Variants in CNOT6L observed in about 807,000 individuals in gnomAD.
CNOT6L encodes the protein CCR4-NOT transcription complex subunit 6-like.
A neutral mutation model predicts 64.0 loss-of-function variants in CNOT6L; 7 were observed. The ratio of observed to expected loss-of-function variants is 0.11; its 90% CI spans 0.06 to 0.21. CNOT6L has a LOEUF of 0.21. Ranked by LOEUF, CNOT6L falls within the 10% of genes least tolerant of loss-of-function variation. The pLI is 1.00. For synonymous variants in CNOT6L, 193 were observed against 243.4 expected (o/e 0.79, Z 1.93); for missense variants, 245 against 669.0 (o/e 0.37, Z 6.99).
chr4:77,756,778 C>CA (rs1725623390), intron 5 of CNOT6L, 84 bp downstream of exon 5: 2 of 784,212 alleles, frequency 2.6e-6, no homozygotes. Context: ...TTATAAAAAA[C>CA]AGTCAGATGC....
intron 1 of CNOT6L, among the ~76,000 whole-genome samples, chr4:77,790,125 T>C (rs1729956048): frequency 6.6e-6 from 1 of 152,164 alleles, no homozygotes; most frequent in South Asian, 2.1e-4. Context: ...TAGTTTTGCC[T>C]TTTCCCGAGT....
chr4:77,786,101 T>G (rs2110094334), intron 1 of CNOT6L, among the ~76,000 whole-genome samples: 1 of 150,458 alleles, frequency 6.6e-6, no homozygotes, highest in Non-Finnish European at 1.5e-5. Flanking sequence ...CCCAACATGG[T>G]GAAACCCCGT....
chr4:77,731,675 A>AC (rs1694471181), intron 8 of CNOT6L, 137 bp from the exon 9 acceptor site: 1 of 571,388 alleles, frequency 1.8e-6, no homozygotes, highest in Non-Finnish European at 2.9e-6. Context: ...TCTGGCCACT[A>AC]AGACACAAGA....
intron 6 of CNOT6L, 32 bp downstream of exon 6, chr4:77,748,284 A>G (rs756879792): frequency 1.1e-5 from 15 of 1,388,838 alleles, no homozygotes; most frequent in Middle Eastern, 1.8e-4. Flanking sequence ...AGAATTTCTG[A>G]AAAAAAAGGA....
intron 1 of CNOT6L, among the ~76,000 whole-genome samples, chr4:77,801,939 G>C (rs937172482): frequency 2.0e-5 from 3 of 152,052 alleles, no homozygotes; most frequent in Admixed American, 6.6e-5. Context: ...AACAAGATGA[G>C]AAAAATGTAA....
rs147217481 is a variant in CNOT6L, at chr4:77,717,834, G to A, written c.*2597C>T. 1 of 152,642 alleles carries A rather than the reference G, an allele frequency of 6.6e-6. No homozygotes were observed. The highest frequency in any genetic ancestry group is 1.5e-5 in the Non-Finnish European group (1 of 67,990). The allele number at this position is 152,642 out of a possible 1,614,324, so 9.5% of individuals were successfully genotyped here. A position where few individuals can be genotyped will look rare whatever the true frequency, so the allele number is the denominator to read the frequency against. The stretch of plus-strand genomic sequence containing the variant: ...AAATTTGGGTTACCATGCCCCAAGT[G>A]TGTACCACCCAAAACATAACACAAT... On this transcript the variant is annotated 3_prime_UTR_variant, in exon 12 of 12. Coordinates refer to ENST00000504123, the MANE Select transcript of CNOT6L (RefSeq NM_144571.3).
At chr4:77,796,986 G>A (rs1384233285) in intron 1 of CNOT6L, among the ~76,000 whole-genome samples, 1 of 150,858 alleles carries the variant, frequency 6.6e-6, no homozygotes, top group Admixed American at 6.6e-5. Context: ...GGGAGGCTGG[G>A]ATGAGAGGAT....
chr4:77,761,890 CAA>C (rs1726285510), intron 4 of CNOT6L, among the ~76,000 whole-genome samples: 1 of 152,078 alleles, frequency 6.6e-6, no homozygotes, highest in Admixed American at 6.5e-5. Flanking sequence ...ACAAACATCA[CAA>C]GAGACAAGCC....
chr4:77,740,301 G>T (rs959278654), intron 8 of CNOT6L, among the ~76,000 whole-genome samples: 1 of 152,096 alleles, frequency 6.6e-6, no homozygotes, highest in African/African-American at 2.4e-5. Context: ...AGCCTGGGGA[G>T]GTTGAGGCTG....
Position 77,737,143 on chromosome 4 carries a change from A to G in CNOT6L, c.872+4998T>C, listed in dbSNP as rs992676768. Reference sequence around the variant, plus strand: ...CCATCCCTGAATTCATTTACAAGTAAAAAGGGGCAATGTAATACACAGTCA... The same window carrying G: ...CCATCCCTGAATTCATTTACAAGTAGAAAGGGGCAATGTAATACACAGTCA... On this transcript the variant is annotated intron_variant, in intron 8 of 11. Coordinates refer to ENST00000504123, the MANE Select transcript of CNOT6L (RefSeq NM_144571.3). Among the ~76,000 whole-genome samples the G allele has an allele frequency of 7.2e-5, 11 of 152,306 alleles. No individual in the cohort carries two copies. In the East Asian group the frequency reaches 2.1e-3, roughly 29 times the overall value.
At chr4:77,726,021 A>C (rs1721813581) in intron 11 of CNOT6L, 146 bp downstream of exon 11, 2 of 693,746 alleles carry the variant, frequency 2.9e-6, no homozygotes, top group African/African-American at 1.8e-5. Flanking sequence ...AAACCTACTT[A>C]TATTTAGGTG....
At chr4:77,794,377 T>G (rs920560663) in intron 1 of CNOT6L, among the ~76,000 whole-genome samples, 1 of 152,012 alleles carries the variant, frequency 6.6e-6, no homozygotes, top group Non-Finnish European at 1.5e-5. Flanking sequence ...ATAAAGTCTT[T>G]TTTGAAGTTT....
intron 4 of CNOT6L, among the ~76,000 whole-genome samples, chr4:77,763,009 T>A (rs766897891): frequency 2.6e-5 from 4 of 152,114 alleles, no homozygotes; most frequent in African/African-American, 7.2e-5. Flanking sequence ...AGGCACCATT[T>A]CAAGAATAAA....
chr4:77,760,443 T>C (rs760818894), intron 4 of CNOT6L, among the ~76,000 whole-genome samples: 24 of 151,878 alleles, frequency 1.6e-4, no homozygotes, highest in Admixed American at 4.6e-4. Flanking sequence ...ATTTGTAGGA[T>C]ATGGAAAAAC....
At chr4:77,760,880 T>TTTTTTTTTTTTTTTTA (rs1256677105) in intron 4 of CNOT6L, among the ~76,000 whole-genome samples, 1 of 128,858 alleles carries the variant, frequency 7.8e-6, no homozygotes. Flanking sequence ...TTTTTTTTTT[T>TTTTTTTTTTTTTTTTA]TTTTTTTTTT....
intron 1 of CNOT6L, among the ~76,000 whole-genome samples, chr4:77,793,276 CAG>C (rs1165616758): frequency 2.0e-5 from 3 of 152,140 alleles, no homozygotes; most frequent in African/African-American, 7.2e-5. Flanking sequence ...GAGAAGCAGA[CAG>C]CTATTCCACC....
At chr4:77,777,685 C>G (rs1224509592) in intron 1 of CNOT6L, among the ~76,000 whole-genome samples, 2 of 152,156 alleles carry the variant, frequency 1.3e-5, no homozygotes, top group Non-Finnish European at 2.9e-5. Context: ...AACATATATA[C>G]ACACACCCCA....
intron 5 of CNOT6L, among the ~76,000 whole-genome samples, chr4:77,754,250 C>T (rs1725201408): frequency 6.6e-6 from 1 of 151,916 alleles, no homozygotes; most frequent in African/African-American, 2.4e-5. Context: ...GACTGAATAC[C>T]AAAAAATATA....
At chr4:77,756,059 C>T (rs1560591675) in intron 5 of CNOT6L, among the ~76,000 whole-genome samples, 1 of 152,152 alleles carries the variant, frequency 6.6e-6, no homozygotes, top group South Asian at 2.1e-4. Context: ...TCTCAGCTGA[C>T]TGCAGCCTCT....
Sources: gnomAD v4.1 joint callset for allele counts (sites outside exome capture counted in the v4.1 genomes callset) on GRCh38, gnomAD v4.1.1 for gene constraint, MANE v1.5 for transcripts, NCBI Gene and HGNC (gene_info 2026-07-23, HGNC 2026-07-21) for gene names.